Variants in SMIM35 observed in about 807,000 individuals in gnomAD.
The protein encoded by SMIM35 is TMPRSS4 antisense RNA 1 (non-protein coding).
intron 1 of SMIM35, among the ~76,000 whole-genome samples, chr11:118,080,041 T>A (rs1945004973): frequency 6.6e-6 from 1 of 152,074 alleles, no homozygotes; most frequent in Admixed American, 6.5e-5. Flanking sequence ...CCAGACACCA[T>A]TTAATCAGCC....
intron 1 of SMIM35, chr11:118,029,627 GTTTC>G (rs751658269): frequency 1.1e-5 from 5 of 456,992 alleles, no homozygotes; most frequent in African/African-American, 8.0e-5. Context: ...ATCACCCAGT[GTTTC>G]TTTTTCACCC....
intron 1 of SMIM35, among the ~76,000 whole-genome samples, chr11:118,028,288 G>C (rs1013199738): frequency 6.6e-6 from 1 of 152,216 alleles, no homozygotes; most frequent in Non-Finnish European, 1.5e-5. Flanking sequence ...TGAGACCCAG[G>C]ATTTGGTGTT....
At chr11:118,017,546 G>GA (rs1286527066) in intron 1 of SMIM35, among the ~76,000 whole-genome samples, 2 of 152,118 alleles carry the variant, frequency 1.3e-5, no homozygotes, top group Non-Finnish European at 2.9e-5. Context: ...AAATGCTAGA[G>GA]AAAAAAATTA....
chr11:118,007,153 A>G (rs984196858), intron 4 of SMIM35, among the ~76,000 whole-genome samples: 2 of 140,776 alleles, frequency 1.4e-5, no homozygotes, highest in South Asian at 4.7e-4. Flanking sequence ...GTCCATCTGG[A>G]GGGAGAAGTA....
chr11:118,020,588 G>T (rs1030903260), intron 1 of SMIM35, among the ~76,000 whole-genome samples: 3 of 152,098 alleles, frequency 2.0e-5, no homozygotes, highest in South Asian at 2.1e-4. Context: ...TCCCTTAAAG[G>T]TTTGGTACTC....
intron 1 of SMIM35, among the ~76,000 whole-genome samples, chr11:118,072,029 A>G (rs1944578768): frequency 6.6e-6 from 1 of 152,188 alleles, no homozygotes; most frequent in African/African-American, 2.4e-5. Context: ...TGAGCTCTTC[A>G]AGGCAGGAGA....
intron 1 of SMIM35, among the ~76,000 whole-genome samples, chr11:118,046,980 T>C (rs892535667): frequency 6.6e-6 from 1 of 152,226 alleles, no homozygotes; most frequent in Non-Finnish European, 1.5e-5. Flanking sequence ...TTAAGATAAA[T>C]AAACATTTTA....
chr11:118,066,378 C>G (rs1944474704), intron 1 of SMIM35, among the ~76,000 whole-genome samples: 1 of 152,050 alleles, frequency 6.6e-6, no homozygotes, highest in Non-Finnish European at 1.5e-5. Flanking sequence ...CCCTACTATT[C>G]TCTCTACCCC....
At chr11:118,049,335 C>T (rs1398094767) in intron 1 of SMIM35, among the ~76,000 whole-genome samples, 1 of 147,062 alleles carries the variant, frequency 6.8e-6, no homozygotes, top group Non-Finnish European at 1.5e-5. Context: ...TTGTTCCACC[C>T]TTAATTTTTT....
In SMIM35 at chr11:118,031,349, C is replaced by A. The variant is rs192562607; in HGVS notation, c.8-15540G>T. ...AATGCCATTTTCCACTCAAAGGAAC[C>A]AGGGTCCCTTGGAGAAATGGCTGAT... is the stretch of plus-strand genomic sequence containing the variant. On this transcript the variant is annotated intron_variant, in intron 1 of 4. Transcript: ENST00000689828. 3.3e-4 allele frequency among the ~76,000 whole-genome samples: 50 copies of A among 152,262 alleles called. No homozygotes were observed. The East Asian group carries it at 8.9e-3, about 27-fold the overall frequency.
chr11:118,067,886 T>C (rs1333993952), intron 1 of SMIM35, among the ~76,000 whole-genome samples: 2 of 69,952 alleles, frequency 2.9e-5, no homozygotes, highest in African/African-American at 4.7e-5. Flanking sequence ...TATATATATA[T>C]ATATATATAT....
intron 1 of SMIM35, among the ~76,000 whole-genome samples, chr11:118,048,954 A>AAAAAAAAAAAAAAAAAAAAAAAAAAAG (rs1944160120): frequency 6.6e-6 from 1 of 151,142 alleles, no homozygotes. Flanking sequence ...TGCAAAAAAA[A>AAAAAAAAAAAAAAAAAAAAAAAAAAAG]AAAAAAAAAA....
At position 118,015,738 on chromosome 11, in the gene SMIM35, C is replaced by T. The variant is rs17121519; in HGVS notation, c.79G>A (p.Gly27Ser). The T allele has an allele frequency of 0.1, 40,136 of 399,460 alleles. 3,839 individuals carry two copies. The highest frequency in any genetic ancestry group is 0.42 in the East Asian group (11,897 of 28,062). The allele number at this position is 399,460 out of a possible 1,614,324, so 24.7% of individuals were successfully genotyped here. A position where few individuals can be genotyped will look rare whatever the true frequency, so the allele number is the denominator to read the frequency against. The change falls in exon 2 of 5, where the codon GGC becomes AGC. Residue 27 changes from glycine to serine, a missense_variant. Physicochemically the swap from Gly to Ser is moderately conservative, Grantham distance 56 (BLOSUM62 0). Transcript: ENST00000689828. ...TGGTACCACTTGGCCAGGCTGTAGC[C>T]GAGGATGGACACGAGCAGCAGCAAG... ...GLLLLLVSIL[G>S]YSLAKWYQRG... is the part of the protein sequence containing the mutation.
rs1446439480 is a variant in SMIM35, at chr11:118,029,866, C to A, written c.8-14057G>T. The A allele has an allele frequency of 8.9e-6, 4 of 449,974 alleles. No homozygotes were observed. In the East Asian group the frequency reaches 2.8e-4, roughly 31 times the overall value. 27.9% of individuals were successfully genotyped at this position (449,974 alleles called of 1,614,324 possible). A position where few individuals can be genotyped will look rare whatever the true frequency, so the allele number is the denominator to read the frequency against. On this transcript the variant is annotated intron_variant, in intron 1 of 4. Transcript: ENST00000689828. ...ATGCTAGCATCTGCCTCCTGCATTG[C>A]TACCTCCACATCACCAAGTGTTCTT...
At chr11:118,050,190 G>A (rs1944187939) in intron 1 of SMIM35, among the ~76,000 whole-genome samples, 1 of 152,258 alleles carries the variant, frequency 6.6e-6, no homozygotes, top group South Asian at 2.1e-4. Context: ...GGTGAGTGAT[G>A]TATACCTCGT....
chr11:118,085,510 A>C (rs1000907832), intron 1 of SMIM35, among the ~76,000 whole-genome samples: 8 of 152,048 alleles, frequency 5.3e-5, no homozygotes, highest in African/African-American at 1.7e-4. Context: ...CTCCCTCTTA[A>C]AGTTTAAAGG....
At chr11:118,027,561 A>G (rs2058284957) in intron 1 of SMIM35, among the ~76,000 whole-genome samples, 1 of 152,232 alleles carries the variant, frequency 6.6e-6, no homozygotes, top group Non-Finnish European at 1.5e-5. Context: ...ACAATTATAC[A>G]GAAATAAACA....
chr11:118,039,417 G>C (rs977051058), intron 1 of SMIM35, among the ~76,000 whole-genome samples: 9 of 152,096 alleles, frequency 5.9e-5, no homozygotes, highest in African/African-American at 2.2e-4. Flanking sequence ...TACAAGAATA[G>C]AGGAGCTAGT....
At chr11:118,047,758 G>A (rs1233212063) in intron 1 of SMIM35, among the ~76,000 whole-genome samples, 1 of 152,170 alleles carries the variant, frequency 6.6e-6, no homozygotes, top group African/African-American at 2.4e-5. Flanking sequence ...CTCACCTTGG[G>A]GGCAGTCAAG....
Sources: gnomAD v4.1 joint callset for allele counts (sites outside exome capture counted in the v4.1 genomes callset) on GRCh38, gnomAD v4.1.1 for gene constraint, MANE v1.5 for transcripts, NCBI Gene and HGNC (gene_info 2026-07-23, HGNC 2026-07-21) for gene names.